Variants in TSPO observed in about 807,000 individuals in gnomAD.
TSPO encodes the protein translocator protein, also known as benzodiazepine peripheral binding site.
A neutral mutation model predicts 13.9 loss-of-function variants in TSPO; 14 were observed. The ratio of observed to expected loss-of-function variants is 1.01; its 90% confidence interval spans 0.67 to 1.58. The LOEUF is 1.58. TSPO is among the 40% of genes most tolerant of loss of function. The pLI is 0.00. For synonymous variants in TSPO, 114 were observed against 105.9 expected (o/e 1.08, Z -0.47); for missense variants, 232 against 229.6 (o/e 1.01, Z -0.07).
chr22:43,161,070 C>G lies in TSPO; in HGVS notation c.201C>G (p.Val67=). ...YSAMGYGSYL[V]WKELGGFTEK... Reference sequence around the variant, plus strand: ...GTTTCAGGTACGGCTCCTACCTGGTCTGGAAAGAGCTGGGAGGCTTCACAG... The same window carrying G: ...GTTTCAGGTACGGCTCCTACCTGGTGTGGAAAGAGCTGGGAGGCTTCACAG... The change falls in exon 3 of 4, where the codon GTC becomes GTG. Residue 67 remains valine (V), a synonymous_variant. Transcript: ENST00000337554. The G allele has an allele frequency of 6.2e-7, 1 of 1,613,892 alleles. No homozygotes were observed. Among genetic ancestry groups the G allele is most frequent in the East Asian group, 2.2e-5 (1 of 44,876 alleles).
At position 43,159,398 on chromosome 22, in the gene TSPO, G is replaced by A; in HGVS notation, c.160G>A (p.Gly54Ser). Residue 54 changes from glycine to serine, a missense_variant, in exon 2 of 4, where the codon GGC becomes AGC. By Grantham distance (56) the Gly-to-Ser change is moderately conservative. Coordinates refer to ENST00000337554, the MANE Select transcript of TSPO (RefSeq NM_000714.6). ...CCACTGGGTGCTGGGCCCTGTCTGGGGCACGCTCTACTCAGCCATGGGGTA... is the reference window on the plus strand; with the variant it reads ...CCACTGGGTGCTGGGCCCTGTCTGGAGCACGCTCTACTCAGCCATGGGGTA... ...PPHWVLGPVW[G>S]TLYSAMGYGS... is the part of the protein sequence containing the mutation. 2 of 1,534,950 alleles carry A rather than the reference G, an allele frequency of 1.3e-6. No individual in the cohort carries two copies. The highest frequency in any genetic ancestry group is 8.8e-7 in the Non-Finnish European group (1 of 1,141,602).
Position 43,162,837 on chromosome 22 carries a change from C to T in TSPO, c.356C>T (p.Ala119Val), listed in dbSNP as rs148614502. The T allele has an allele frequency of 4.8e-4, 766 of 1,583,892 alleles. 6 individuals carry two copies. The African/African-American group carries it at 9.0e-3, about 19-fold the overall frequency. Reference sequence around the variant, plus strand: ...GATCTCCTGCTGGTCAGTGGGGCGGCGGCAGCCACTACCGTGGCCTGGTAC... The same window carrying T: ...GATCTCCTGCTGGTCAGTGGGGCGGTGGCAGCCACTACCGTGGCCTGGTAC... The part of the protein sequence containing the change: ...LVDLLLVSGA[A>V]AATTVAWYQV... The change falls in exon 4 of 4, where the codon GCG becomes GTG. Residue 119 changes from alanine to valine, a missense_variant. By Grantham distance (64) the Ala-to-Val change is moderately conservative (BLOSUM62 0). Transcript: ENST00000337554.
chr22:43,159,599 T>C, intron 2 of TSPO, 179 bp downstream of exon 2: 1 of 613,580 alleles, frequency 1.6e-6, no homozygotes, highest in South Asian at 3.6e-5. Context: ...AACTTTCTCC[T>C]CCTGGGCCCC....
intron 1 of TSPO, among the ~76,000 whole-genome samples, chr22:43,157,019 A>G (rs945739768): frequency 6.6e-6 from 1 of 152,124 alleles, no homozygotes. Flanking sequence ...GCTCCAGCAG[A>G]GCAGCGGTTA....
chr22:43,161,139 C>T lies in TSPO; in HGVS notation c.270C>T (p.Ala90=), dbSNP rs1263142612. The change falls in exon 3 of 4, where the codon GCC becomes GCT. Residue 90 remains alanine (A), a synonymous_variant. Coordinates refer to ENST00000337554, the MANE Select transcript of TSPO (RefSeq NM_000714.6). ...TGGGCCTCTACACTGGGCAGCTGGC[C>T]CTGAACTGGGCATGGCCCCCCATCT... ...VPLGLYTGQL[A]LNWAWPPIFF... 10 of 1,614,020 alleles carry T rather than the reference C, an allele frequency of 6.2e-6. No individual in the cohort carries two copies. The East Asian group carries it at 2.2e-4, about 36-fold the overall frequency.
chr22:43,159,329 C>T lies in TSPO; in HGVS notation c.91C>T (p.Leu31Phe). The T allele has an allele frequency of 6.5e-7, 1 of 1,548,916 alleles. No homozygotes were observed. Residue 31 changes from leucine (L) to phenylalanine (F), a missense_variant, in exon 2 of 4, where the codon CTC becomes TTC. Coordinates refer to ENST00000337554, the MANE Select transcript of TSPO (RefSeq NM_000714.6). Reference protein sequence around the residue: ...VGSRFVHGEGLRWYAGLQKPS... With the variant: ...VGSRFVHGEGFRWYAGLQKPS... Reference sequence around the variant, plus strand: ...CTCCCGCTTTGTCCACGGCGAGGGTCTCCGCTGGTACGCCGGCCTGCAGAA... The same window carrying T: ...CTCCCGCTTTGTCCACGGCGAGGGTTTCCGCTGGTACGCCGGCCTGCAGAA...
chr22:43,162,906 C>T lies in TSPO; in HGVS notation c.425C>T (p.Ala142Val). 3 of 1,591,360 alleles carry T rather than the reference C, an allele frequency of 1.9e-6. No individual in the cohort carries two copies. Among genetic ancestry groups the T allele is most frequent in the Non-Finnish European group, 2.6e-6 (3 of 1,169,416 alleles). ...GCCCGCCTGCTCTACCCCTACCTGG[C>T]CTGGCTGGCCTTCACGACCACACTC... is the stretch of plus-strand genomic sequence containing the variant. ...LAARLLYPYLAWLAFTTTLNY... is the reference protein window; with the variant it reads ...LAARLLYPYLVWLAFTTTLNY... The change falls in exon 4 of 4, where the codon GCC becomes GTC. Residue 142 changes from alanine to valine, a missense_variant. Transcript: ENST00000337554.
In TSPO at chr22:43,159,351, A is replaced by C; in HGVS notation, c.113A>C (p.Gln38Pro). Reference sequence around the variant, plus strand: ...GGTCTCCGCTGGTACGCCGGCCTGCAGAAGCCCTCGTGGCACCCGCCCCAC... The same window carrying C: ...GGTCTCCGCTGGTACGCCGGCCTGCCGAAGCCCTCGTGGCACCCGCCCCAC... ...GEGLRWYAGL[Q>P]KPSWHPPHWV... Residue 38 changes from glutamine to proline, a missense_variant, in exon 2 of 4, where the codon CAG becomes CCG. Transcript: ENST00000337554. 2 of 1,547,110 alleles carry C rather than the reference A, an allele frequency of 1.3e-6. No individual in the cohort carries two copies. The highest frequency in any genetic ancestry group is 1.7e-6 in the Non-Finnish European group (2 of 1,146,288).
chr22:43,159,499 C>A, intron 2 of TSPO, 79 bp downstream of exon 2: 1 of 1,319,782 alleles, frequency 7.6e-7, no homozygotes, highest in African/African-American at 1.5e-5. Context: ...AGGGTCTTCT[C>A]CAGGCGGGCC....
chr22:43,160,766 T>C (rs773580725), intron 2 of TSPO, among the ~76,000 whole-genome samples: 1 of 152,212 alleles, frequency 6.6e-6, no homozygotes, highest in Non-Finnish European at 1.5e-5. Context: ...TCTCTACCTA[T>C]TCACACCATG....
chr22:43,154,284 G>A (rs540152148), intron 1 of TSPO, among the ~76,000 whole-genome samples: 2 of 152,204 alleles, frequency 1.3e-5, no homozygotes, highest in South Asian at 4.1e-4. Context: ...GCTGGGGGTC[G>A]GGGTGGGGAT....
rs1441196288 is a variant in TSPO, at chr22:43,163,036, C to G, written c.*45C>G. 5.1e-6 allele frequency: 8 copies of G among 1,571,954 alleles called. No individual in the cohort carries two copies. ...CTGCAGCTGCACCAGCAGGTGCCAT[C>G]ACGCTTGTGATGTGGTGGCCGTCAC... is the stretch of plus-strand genomic sequence containing the variant. On this transcript the variant is annotated 3_prime_UTR_variant, in exon 4 of 4. Coordinates refer to ENST00000337554, the MANE Select transcript of TSPO (RefSeq NM_000714.6).
At chr22:43,157,093 G>A (rs754817647) in intron 1 of TSPO, among the ~76,000 whole-genome samples, 1 of 152,182 alleles carries the variant, frequency 6.6e-6, no homozygotes, top group Non-Finnish European at 1.5e-5. Flanking sequence ...AGGATGTAGT[G>A]GGAGGCTGAG....
chr22:43,157,427 G>T (rs1199520518), intron 1 of TSPO, among the ~76,000 whole-genome samples: 1 of 152,128 alleles, frequency 6.6e-6, no homozygotes, highest in Non-Finnish European at 1.5e-5. Flanking sequence ...CGACCTTGGG[G>T]GATGGGGTAA....
intron 3 of TSPO, among the ~76,000 whole-genome samples, chr22:43,162,075 C>T (rs1448836078): frequency 6.7e-6 from 1 of 150,022 alleles, no homozygotes; most frequent in African/African-American, 2.5e-5. Flanking sequence ...CTCAGCCTCC[C>T]GAGTAGCTGG....
At chr22:43,153,032 C>A (rs1931126674) in intron 1 of TSPO, among the ~76,000 whole-genome samples, 1 of 144,254 alleles carries the variant, frequency 6.9e-6, no homozygotes, top group African/African-American at 2.5e-5. Flanking sequence ...CTCCCTCCCT[C>A]CCCTCCCCTT....
At chr22:43,154,449 C>A (rs1401989242) in intron 1 of TSPO, among the ~76,000 whole-genome samples, 3 of 152,046 alleles carry the variant, frequency 2.0e-5, no homozygotes, top group African/African-American at 7.3e-5. Flanking sequence ...ACCTCCTCCT[C>A]TCGGGTTCAA....
chr22:43,163,023 C>A lies in TSPO; in HGVS notation c.*32C>A. ...GGCCCACCAGGGACTGCAGCTGCACCAGCAGGTGCCATCACGCTTGTGATG... is the reference window on the plus strand; with the variant it reads ...GGCCCACCAGGGACTGCAGCTGCACAAGCAGGTGCCATCACGCTTGTGATG... On this transcript the variant is annotated 3_prime_UTR_variant, in exon 4 of 4. Coordinates refer to ENST00000337554, the MANE Select transcript of TSPO (RefSeq NM_000714.6). The A allele has an allele frequency of 1.3e-6, 2 of 1,575,080 alleles. No individual in the cohort carries two copies. Among genetic ancestry groups the A allele is most frequent in the Non-Finnish European group, 1.7e-6 (2 of 1,160,670 alleles).
rs1212203238 is a variant in TSPO at position 43,155,072 on chromosome 22, T to C, written c.-30+3468T>C. ...GGGCGGTGACACAACTCCTGGCAAG[T>C]GGTCACGCGGCCCAGAGCAGCCCGG... On this transcript the variant is annotated intron_variant, in intron 1 of 3. Transcript: ENST00000337554. 2.7e-5 allele frequency among the ~76,000 whole-genome samples: 4 copies of C among 148,522 alleles called. No individual in the cohort carries two copies. In the East Asian group the frequency reaches 8.2e-4, roughly 30 times the overall value.
Sources: gnomAD v4.1 joint callset for allele counts (sites outside exome capture counted in the v4.1 genomes callset) on GRCh38, gnomAD v4.1.1 for gene constraint, MANE v1.5 for transcripts, NCBI Gene and HGNC (gene_info 2026-07-23, HGNC 2026-07-21) for gene names.